FOXC1: variants seen among roughly 807,000 people sequenced by gnomAD.
The protein encoded by FOXC1 is forkhead box protein C1.
In FOXC1, 5 loss-of-function variants were observed where a neutral mutation model predicts 8.1. The ratio of observed to expected loss-of-function variants is 0.62; its 90% confidence interval spans 0.32 to 1.30. FOXC1 has a LOEUF of 1.30. Among genes scored for constraint, FOXC1 ranks in the 50% most tolerant of loss-of-function variants. The pLI, the probability that FOXC1 is intolerant of heterozygous loss-of-function variation, is 0.05. For synonymous variants in FOXC1, 552 were observed against 417.2 expected (o/e 1.32, Z -3.94); for missense variants, 942 against 858.0 (o/e 1.10, Z -1.22).
rs780537192 is a variant in FOXC1, at chr6:1,611,112, A to G, written c.667A>G (p.Ile223Val). 7.2e-7 allele frequency: 1 copy of G among 1,389,894 alleles called. No individual in the cohort carries two copies. The highest frequency in any genetic ancestry group is 9.4e-7 in the Non-Finnish European group (1 of 1,059,510). 86.1% of individuals were successfully genotyped at this position (1,389,894 alleles called of 1,614,324 possible). A position where few individuals can be genotyped will look rare whatever the true frequency, so the allele number is the denominator to read the frequency against. The part of the protein sequence containing the change: ...APGPQPPPVR[I>V]QDIKTENGTC... ...CGGTCCGCAGCCGCCGCCCGTGCGC[A>G]TCCAGGACATCAAGACCGAGAACGG... is the stretch of plus-strand genomic sequence containing the variant. Residue 223 changes from isoleucine (I) to valine (V), a missense_variant, in exon 1 of 1, where the codon ATC (isoleucine) becomes GTC (valine). Transcript: ENST00000645831. The surrounding 1 kb of genome is among the most constrained non-coding windows in gnomAD (Gnocchi z 7.1).
chr6:1,610,682 G>A lies in FOXC1; in HGVS notation c.237G>A (p.Pro79=). 1 of 1,613,772 alleles carries A rather than the reference G, an allele frequency of 6.2e-7. No homozygotes were observed. The highest frequency in any genetic ancestry group is 1.7e-4 in the Middle Eastern group (1 of 6,024). ...CGCAGCCCAAGGACATGGTGAAGCC[G>A]CCCTATAGCTACATCGCGCTCATCA... is the stretch of plus-strand genomic sequence containing the variant. The part of the protein sequence containing the change: ...PQPQPKDMVK[P]PYSYIALITM... The change falls in exon 1 of 1, where the codon CCG becomes CCA. Residue 79 remains proline, a synonymous_variant. Transcript: ENST00000645831.
Position 1,610,373 on chromosome 6 carries a change from CCGGCG to C in FOXC1, c.-63_-59del, listed in dbSNP as rs76225423. ...CCGGGCCCGGACTCGGACTCGGCGG[CCGGCG>C]CGGCGCGGCCCGGCCCGAGCGAGGG... On this transcript the variant is annotated 5_prime_UTR_variant, in exon 1 of 1. Transcript: ENST00000645831. The C allele has an allele frequency of 9.7e-4, 846 of 874,216 alleles. 1 individual carries two copies. The highest frequency in any genetic ancestry group is 1.1e-3 in the Non-Finnish European group (784 of 729,972). The allele number at this position is 874,216 out of a possible 1,614,324, so 54.2% of individuals were successfully genotyped here. A position where few individuals can be genotyped will look rare whatever the true frequency, so the allele number is the denominator to read the frequency against.
rs1191627827 is a variant in FOXC1, at chr6:1,613,293, TA to T, written c.*1187del. On this transcript the variant is annotated 3_prime_UTR_variant, in exon 1 of 1. Coordinates refer to ENST00000645831, the MANE Select transcript of FOXC1 (RefSeq NM_001453.3). ...CCCTGTGAGCCAGATGCTGAATAGA[TA>T]TTTTCCTATTATTTCAGTCCTTTAT... is the stretch of plus-strand genomic sequence containing the variant. 2 of 233,666 alleles carry T rather than the reference TA, an allele frequency of 8.6e-6. No individual in the cohort carries two copies. Among genetic ancestry groups the T allele is most frequent in the Non-Finnish European group, 1.8e-5 (2 of 109,224 alleles). 14.5% of individuals were successfully genotyped at this position (233,666 alleles called of 1,614,324 possible).
In FOXC1 at chr6:1,610,428, C is replaced by A. The variant is rs1481651182; in HGVS notation, c.-18C>A. On this transcript the variant is annotated 5_prime_UTR_variant, in exon 1 of 1. Coordinates refer to ENST00000645831, the MANE Select transcript of FOXC1 (RefSeq NM_001453.3). ...GTGGGGGGCGGCGGGCGGCGCGGGGCGGCGGCGAGCGGGGGCCATGCAGGC... is the reference window on the plus strand; with the variant it reads ...GTGGGGGGCGGCGGGCGGCGCGGGGAGGCGGCGAGCGGGGGCCATGCAGGC... 16 of 1,264,214 alleles carry A rather than the reference C, an allele frequency of 1.3e-5. No homozygotes were observed. The highest frequency in any genetic ancestry group is 1.5e-5 in the Non-Finnish European group (15 of 1,001,122). 78.3% of individuals were successfully genotyped at this position (1,264,214 alleles called of 1,614,324 possible). A position where few individuals can be genotyped will look rare whatever the true frequency, so the allele number is the denominator to read the frequency against.
rs891439006 is a variant in FOXC1, at chr6:1,611,032, C to T, written c.587C>T (p.Pro196Leu). The T allele has an allele frequency of 5.8e-6, 9 of 1,546,778 alleles. No individual in the cohort carries two copies. Among genetic ancestry groups the T allele is most frequent in the Non-Finnish European group, 7.0e-6 (8 of 1,146,488 alleles). ...AGGCTGCACCTCAAGGAGCCGCCCCCGCCCGGCCGCCAGCCCCCGCCCGCG... is the reference window on the plus strand; with the variant it reads ...AGGCTGCACCTCAAGGAGCCGCCCCTGCCCGGCCGCCAGCCCCCGCCCGCG... ...KDRLHLKEPP[P>L]PGRQPPPAPP... Residue 196 changes from proline to leucine, a missense_variant, in exon 1 of 1, where the codon CCG (proline) becomes CTG (leucine). Physicochemically the swap from Pro to Leu is moderately conservative, Grantham distance 98. Around this residue, in one of 4 missense-constraint regions of FOXC1, gnomAD observed 726 missense variants for 599.6 expected, o/e 1.21. Coordinates refer to ENST00000645831, the MANE Select transcript of FOXC1 (RefSeq NM_001453.3). The surrounding 1 kb of genome is among the most constrained non-coding windows in gnomAD (Gnocchi z 7.1).
At position 1,611,981 on chromosome 6, in the gene FOXC1, G is replaced by A; in HGVS notation, c.1536G>A (p.Glu512=). ...QNFHSVREMF[E]SQRIGLNNSP... Reference sequence around the variant, plus strand: ...TCCACTCGGTGCGGGAGATGTTCGAGTCACAGAGGATCGGCTTGAACAACT... The same window carrying A: ...TCCACTCGGTGCGGGAGATGTTCGAATCACAGAGGATCGGCTTGAACAACT... The change falls in exon 1 of 1, where the codon GAG becomes GAA. Residue 512 remains glutamate, a synonymous_variant. Transcript: ENST00000645831. The surrounding 1 kb of genome is among the most constrained non-coding windows in gnomAD (Gnocchi z 7.1). 6.2e-7 allele frequency: 1 copy of A among 1,611,924 alleles called. No individual in the cohort carries two copies.
chr6:1,612,025 G>C lies in FOXC1; in HGVS notation c.1580G>C (p.Ser527Thr), dbSNP rs761231823. The C allele has an allele frequency of 6.2e-7, 1 of 1,613,432 alleles. No homozygotes were observed. The highest frequency in any genetic ancestry group is 8.5e-7 in the Non-Finnish European group (1 of 1,180,024). Residue 527 changes from serine (S) to threonine (T), a missense_variant, in exon 1 of 1, where the codon AGT (serine) becomes ACT (threonine). Physicochemically the swap from Ser to Thr is moderately conservative, Grantham distance 58. Coordinates refer to ENST00000645831, the MANE Select transcript of FOXC1 (RefSeq NM_001453.3). Reference protein sequence around the residue: ...GLNNSPVNGNSSCQMAFPSSQ... With the variant: ...GLNNSPVNGNTSCQMAFPSSQ... The stretch of plus-strand genomic sequence containing the variant: ...AACAACTCTCCAGTGAACGGGAATA[G>C]TAGCTGTCAAATGGCCTTCCCTTCC...
rs750797555 is a variant in FOXC1, at chr6:1,610,751, C to T, written c.306C>T (p.Asn102=). 9 of 1,614,022 alleles carry T rather than the reference C, an allele frequency of 5.6e-6. No individual in the cohort carries two copies. Among genetic ancestry groups the T allele is most frequent in the Non-Finnish European group, 7.6e-6 (9 of 1,179,988 alleles). ...QNAPDKKITL[N]GIYQFIMDRF... is the part of the protein sequence containing the mutation. ...CCCCGGACAAGAAGATCACCCTGAACGGCATCTACCAGTTCATCATGGACC... is the reference window on the plus strand; with the variant it reads ...CCCCGGACAAGAAGATCACCCTGAATGGCATCTACCAGTTCATCATGGACC... Residue 102 remains asparagine (N), a synonymous_variant, in exon 1 of 1, where the codon AAC becomes AAT. Coordinates refer to ENST00000645831, the MANE Select transcript of FOXC1 (RefSeq NM_001453.3).
At position 1,612,237 on chromosome 6, in the gene FOXC1, C is replaced by T. The variant is rs1225469218; in HGVS notation, c.*130C>T. 7.2e-7 allele frequency: 1 copy of T among 1,389,800 alleles called. No individual in the cohort carries two copies. Among genetic ancestry groups the T allele is most frequent in the South Asian group, 1.3e-5 (1 of 75,860 alleles). 86.1% of individuals were successfully genotyped at this position (1,389,800 alleles called of 1,614,324 possible). On this transcript the variant is annotated 3_prime_UTR_variant, in exon 1 of 1. Coordinates refer to ENST00000645831, the MANE Select transcript of FOXC1 (RefSeq NM_001453.3). ...CCCCTGAGAATATTCACCACACCAG[C>T]GAACAGAATATCCCTCCAAAAATTC...
Position 1,612,076 on chromosome 6 carries a change from G to A in FOXC1, c.1631G>A (p.Gly544Glu). The change falls in exon 1 of 1, where the codon GGA becomes GAA. Residue 544 changes from glycine (G) to glutamate (E), a missense_variant. Transcript: ENST00000645831. The stretch of plus-strand genomic sequence containing the variant: ...AGCCAGTCTCTGTACCGCACGTCCG[G>A]AGCTTTCGTCTACGACTGTAGCAAG... ...PSSQSLYRTS[G>E]AFVYDCSKF is the part of the protein sequence containing the mutation. 6.2e-7 allele frequency: 1 copy of A among 1,613,944 alleles called. No individual in the cohort carries two copies. The highest frequency in any genetic ancestry group is 8.5e-7 in the Non-Finnish European group (1 of 1,180,018).
At position 1,611,878 on chromosome 6, in the gene FOXC1, C is replaced by A. The variant is rs1195296950; in HGVS notation, c.1433C>A (p.Ala478Glu). 25 of 1,544,674 alleles carry A rather than the reference C, an allele frequency of 1.6e-5. No individual in the cohort carries two copies. The highest frequency in any genetic ancestry group is 2.0e-5 in the Non-Finnish European group (23 of 1,144,086). ...GRLTSWYLNQAGGDLGHLASA... is the reference protein window; with the variant it reads ...GRLTSWYLNQEGGDLGHLASA... ...CTCACCTCGTGGTACCTGAACCAGG[C>A]GGGCGGAGACCTGGGCCACTTGGCG... Residue 478 changes from alanine to glutamate, a missense_variant, in exon 1 of 1, where the codon GCG becomes GAG. Transcript: ENST00000645831. This position sits in a 1 kb window ranked among gnomAD's most constrained non-coding sequence, Gnocchi z 7.1.
At position 1,613,468 on chromosome 6, in the gene FOXC1, A is replaced by G. The variant is rs1367590270; in HGVS notation, c.*1361A>G. The G allele has an allele frequency of 4.3e-6, 1 of 231,248 alleles. No homozygotes were observed. Among genetic ancestry groups the G allele is most frequent in the Non-Finnish European group, 9.3e-6 (1 of 107,918 alleles). 14.3% of individuals were successfully genotyped at this position (231,248 alleles called of 1,614,324 possible). A position where few individuals can be genotyped will look rare whatever the true frequency, so the allele number is the denominator to read the frequency against. On this transcript the variant is annotated 3_prime_UTR_variant, in exon 1 of 1. Coordinates refer to ENST00000645831, the MANE Select transcript of FOXC1 (RefSeq NM_001453.3). Reference sequence around the variant, plus strand: ...AATCTTTGAGAAACTATTTTAGAAAATATGTTTGTAGAACAATTATTTTTG... The same window carrying G: ...AATCTTTGAGAAACTATTTTAGAAAGTATGTTTGTAGAACAATTATTTTTG...
At position 1,610,666 on chromosome 6, in the gene FOXC1, A is replaced by G. The variant is rs867754327; in HGVS notation, c.221A>G (p.Lys74Arg). The G allele has an allele frequency of 1.2e-6, 2 of 1,613,506 alleles. No homozygotes were observed. The highest frequency in any genetic ancestry group is 1.7e-6 in the Non-Finnish European group (2 of 1,179,950). Residue 74 changes from lysine (K) to arginine (R), a missense_variant, in exon 1 of 1, where the codon AAG (lysine) becomes AGG (arginine). Physicochemically the swap from Lys to Arg is conservative, Grantham distance 26. Transcript: ENST00000645831. ...YGPYTPQPQP[K>R]DMVKPPYSYI... Reference sequence around the variant, plus strand: ...CCCTACACGCCGCAGCCGCAGCCCAAGGACATGGTGAAGCCGCCCTATAGC... The same window carrying G: ...CCCTACACGCCGCAGCCGCAGCCCAGGGACATGGTGAAGCCGCCCTATAGC...
Position 1,611,380 on chromosome 6 carries a change from A to T in FOXC1, c.935A>T (p.Asn312Ile). Residue 312 changes from asparagine (N) to isoleucine (I), a missense_variant, in exon 1 of 1, where the codon AAC becomes ATC. Asn to Ile is a moderately radical substitution (Grantham distance 149). Around this residue, in one of 4 missense-constraint regions of FOXC1, gnomAD observed 726 missense variants for 599.6 expected, o/e 1.21. Coordinates refer to ENST00000645831, the MANE Select transcript of FOXC1 (RefSeq NM_001453.3). The surrounding 1 kb of genome is among the most constrained non-coding windows in gnomAD (Gnocchi z 7.1). ...PHHSQGFSVD[N>I]IMTSLRGSPQ... ...CATAGCCAGGGCTTCAGCGTGGACAACATCATGACGTCGCTGCGGGGGTCG... is the reference window on the plus strand; with the variant it reads ...CATAGCCAGGGCTTCAGCGTGGACATCATCATGACGTCGCTGCGGGGGTCG... 1 of 1,448,928 alleles carries T rather than the reference A, an allele frequency of 6.9e-7. No individual in the cohort carries two copies. The highest frequency in any genetic ancestry group is 3.2e-5 in the East Asian group (1 of 31,728). The allele number at this position is 1,448,928 out of a possible 1,614,324, so 89.8% of individuals were successfully genotyped here. A position where few individuals can be genotyped will look rare whatever the true frequency, so the allele number is the denominator to read the frequency against.
Position 1,611,328 on chromosome 6 carries a change from CCCGCGCCCTCCGCCCCGCCGCCGCA to C in FOXC1, c.886_910del (p.Ala296IlefsTer11). 7.1e-7 allele frequency: 1 copy of C among 1,417,820 alleles called. No individual in the cohort carries two copies. The highest frequency in any genetic ancestry group is 9.2e-7 in the Non-Finnish European group (1 of 1,084,336). The allele number at this position is 1,417,820 out of a possible 1,614,324, so 87.8% of individuals were successfully genotyped here. ...CGGTGCGGATTCCGCGCCGCCGCCG[CCCGCGCCCTCCGCCCCGCCGCCGCA>C]CCATAGCCAGGGCTTCAGCGTGGAC... On this transcript the variant is annotated frameshift_variant, in exon 1 of 1. Coordinates refer to ENST00000645831, the MANE Select transcript of FOXC1 (RefSeq NM_001453.3). LOFTEE classifies it low-confidence loss of function (END_TRUNC). The surrounding 1 kb of genome is among the most constrained non-coding windows in gnomAD (Gnocchi z 7.1).
At position 1,611,171 on chromosome 6, in the gene FOXC1, G is replaced by C; in HGVS notation, c.726G>C (p.Pro242=). The C allele has an allele frequency of 2.1e-6, 3 of 1,456,472 alleles. No individual in the cohort carries two copies. Among genetic ancestry groups the C allele is most frequent in the Non-Finnish European group, 2.7e-6 (3 of 1,100,752 alleles). 90.2% of individuals were successfully genotyped at this position (1,456,472 alleles called of 1,614,324 possible). Reference sequence around the variant, plus strand: ...CCTCGCCGCCCCAGCCCCTGTCCCCGGCCGCCGCCCTGGGCAGCGGCAGCG... The same window carrying C: ...CCTCGCCGCCCCAGCCCCTGTCCCCCGCCGCCGCCCTGGGCAGCGGCAGCG... The part of the protein sequence containing the change: ...TCPSPPQPLS[P]AAALGSGSAA... The change falls in exon 1 of 1, where the codon CCG becomes CCC. Residue 242 remains proline, a synonymous_variant. Transcript: ENST00000645831. The surrounding 1 kb of genome is among the most constrained non-coding windows in gnomAD (Gnocchi z 7.1).
At position 1,610,312 on chromosome 6, in the gene FOXC1, C is replaced by T. The variant is rs899908042; in HGVS notation, c.-134C>T. Reference sequence around the variant, plus strand: ...AGCGCCGGGAGAGGCGGCAGCGCAGCCGGACGCACAGCGCAGCGGGCCGGC... The same window carrying T: ...AGCGCCGGGAGAGGCGGCAGCGCAGTCGGACGCACAGCGCAGCGGGCCGGC... On this transcript the variant is annotated 5_prime_UTR_variant, in exon 1 of 1. Transcript: ENST00000645831. 7.9e-5 allele frequency: 30 copies of T among 379,714 alleles called. No homozygotes were observed. In the Admixed American group the frequency reaches 1.9e-3, roughly 24 times the overall value. The allele number at this position is 379,714 out of a possible 1,614,324, so 23.5% of individuals were successfully genotyped here.
rs1028943730 is a variant in FOXC1 at position 1,611,060 on chromosome 6, G to T, written c.615G>T (p.Pro205=). Residue 205 remains proline (P), a synonymous_variant, in exon 1 of 1, where the codon CCG becomes CCT. Transcript: ENST00000645831. The surrounding 1 kb of genome is among the most constrained non-coding windows in gnomAD (Gnocchi z 7.1). ...CCGGCCGCCAGCCCCCGCCCGCGCC[G>T]CCGGAGCAGGCCGACGGCAACGCGC... ...PPPGRQPPPA[P]PEQADGNAPG... 4.2e-6 allele frequency: 6 copies of T among 1,444,368 alleles called. No homozygotes were observed. The African/African-American group carries it at 9.2e-5, about 22-fold the overall frequency. The allele number at this position is 1,444,368 out of a possible 1,614,324, so 89.5% of individuals were successfully genotyped here.
chr6:1,612,785 C>A lies in FOXC1; in HGVS notation c.*678C>A, dbSNP rs1268534128. The stretch of plus-strand genomic sequence containing the variant: ...TTTCTTTCTTTTTGTTGAACATATT[C>A]ATTGTTTGTTTATTAATAAATTACC... On this transcript the variant is annotated 3_prime_UTR_variant, in exon 1 of 1. Coordinates refer to ENST00000645831, the MANE Select transcript of FOXC1 (RefSeq NM_001453.3). 2 of 207,778 alleles carry A rather than the reference C, an allele frequency of 9.6e-6. No homozygotes were observed. Among genetic ancestry groups the A allele is most frequent in the Non-Finnish European group, 1.1e-5 (1 of 92,952 alleles). The allele number at this position is 207,778 out of a possible 1,614,324, so 12.9% of individuals were successfully genotyped here. A position where few individuals can be genotyped will look rare whatever the true frequency, so the allele number is the denominator to read the frequency against.
Sources: allele counts gnomAD v4.1 joint callset, GRCh38; gene constraint gnomAD v4.1.1; regional missense constraint gnomAD v4.1.1; non-coding constraint Gnocchi (gnomAD v3.1); transcripts MANE v1.5; gene names NCBI Gene and HGNC (gene_info 2026-07-23, HGNC 2026-07-21).